The following QKI variants were observed in gnomAD, a reference collection of about 807,000 sequenced individuals.
The protein encoded by QKI is QKI, KH domain containing RNA binding, also known as KH domain-containing RNA-binding protein QKI.
Under a neutral mutation model 39.0 loss-of-function variants are expected in QKI, and 10 were observed. The observed-to-expected ratio is 0.26, with a 90% CI of 0.16 to 0.43. QKI has a LOEUF of 0.43. Ranked by LOEUF, QKI falls within the 20% of genes least tolerant of loss-of-function variation. QKI has a pLI of 1.00. For synonymous variants in QKI, 204 were observed against 155.4 expected (o/e 1.31, Z -2.33); for missense variants, 218 against 428.0 (o/e 0.51, Z 4.33).
At chr6:163,415,972 T>G in intron 1 of QKI, 1 of 494,342 alleles carries the variant, frequency 2.0e-6, no homozygotes, top group Non-Finnish European at 4.0e-6. Context: ...CAAGGAGGAC[T>G]AAGTGACGGC....
intron 4 of QKI, among the ~76,000 whole-genome samples, chr6:163,544,197 A>G (rs372845530): frequency 6.6e-6 from 1 of 152,118 alleles, no homozygotes; most frequent in Non-Finnish European, 1.5e-5. Flanking sequence ...GCATCCTTCA[A>G]GCACTACATT....
chr6:163,424,575 G>A (rs977547886), intron 1 of QKI, among the ~76,000 whole-genome samples: 1 of 151,956 alleles, frequency 6.6e-6, no homozygotes, highest in Non-Finnish European at 1.5e-5. Context: ...CAAATACTCT[G>A]AAGTTGATGG....
chr6:163,542,424 AG>A (rs1404543217), intron 4 of QKI, among the ~76,000 whole-genome samples: 1 of 152,068 alleles, frequency 6.6e-6, no homozygotes, highest in Non-Finnish European at 1.5e-5. Context: ...ATTAAGATTG[AG>A]AAAGTAGAGA....
At chr6:163,485,997 T>C (rs1777647023) in intron 3 of QKI, among the ~76,000 whole-genome samples, 1 of 152,222 alleles carries the variant, frequency 6.6e-6, no homozygotes, top group Non-Finnish European at 1.5e-5. Context: ...GGGGCCACAT[T>C]CAAAGCCTTC....
At chr6:163,494,756 G>GGT (rs1778296502) in intron 3 of QKI, among the ~76,000 whole-genome samples, 1 of 151,900 alleles carries the variant, frequency 6.6e-6, no homozygotes, top group Non-Finnish European at 1.5e-5. Context: ...ATAGTGCTGA[G>GGT]GTGGTGTCTA....
chr6:163,555,929 T>G (rs1782568884), intron 4 of QKI, among the ~76,000 whole-genome samples: 1 of 152,154 alleles, frequency 6.6e-6, no homozygotes, highest in Non-Finnish European at 1.5e-5. Context: ...TACTTCCACT[T>G]AAAGGCATCA....
At chr6:163,440,019 G>A (rs995026904) in intron 1 of QKI, among the ~76,000 whole-genome samples, 3 of 152,128 alleles carry the variant, frequency 2.0e-5, no homozygotes, top group South Asian at 2.1e-4. Flanking sequence ...AGAATGTCTT[G>A]TCTGATTTTC....
At chr6:163,475,757 G>A (rs533355561) in intron 2 of QKI, among the ~76,000 whole-genome samples, 7 of 152,272 alleles carry the variant, frequency 4.6e-5, no homozygotes, top group Non-Finnish European at 1.0e-4. Flanking sequence ...AAATTCGAAA[G>A]ACTTAACAAT....
intron 3 of QKI, among the ~76,000 whole-genome samples, chr6:163,513,248 T>G (rs1479696647): frequency 2.0e-5 from 3 of 152,166 alleles, no homozygotes; most frequent in South Asian, 2.1e-4. Context: ...TATTGATGAT[T>G]AACTAAAATG....
In QKI at chr6:163,552,206, CTTTTTTTTT is replaced by C. The variant is rs35060699; in HGVS notation, c.547-9762_547-9754del. Reference sequence around the variant, plus strand: ...TGGATCATCATAAAGTTCGTTCGTTCTTTTTTTTTTTTTTTTTTTTTTGACAGAGACTAG... The same window carrying C: ...TGGATCATCATAAAGTTCGTTCGTTCTTTTTTTTTTTTTGACAGAGACTAG... On this transcript the variant is annotated intron_variant, in intron 4 of 7. Coordinates refer to ENST00000361752, the MANE Select transcript of QKI (RefSeq NM_006775.3). Among the ~76,000 whole-genome samples, 8 of 101,784 alleles carry C rather than the reference CTTTTTTTTT, an allele frequency of 7.9e-5. No homozygotes were observed. The East Asian group carries it at 1.5e-3, about 19-fold the overall frequency. 66.8% of individuals were successfully genotyped at this position (101,784 alleles called of 152,430 possible). A position where few individuals can be genotyped will look rare whatever the true frequency, so the allele number is the denominator to read the frequency against.
intron 3 of QKI, among the ~76,000 whole-genome samples, chr6:163,487,133 G>A (rs76317017): frequency 1.3e-5 from 2 of 151,998 alleles, no homozygotes; most frequent in Non-Finnish European, 2.9e-5. Context: ...CTGTTTTATC[G>A]ATCTTGTTGA....
chr6:163,516,087 G>C (rs1267207262), intron 3 of QKI, among the ~76,000 whole-genome samples: 1 of 152,144 alleles, frequency 6.6e-6, no homozygotes, highest in Admixed American at 6.5e-5. Flanking sequence ...AGGATGTTAA[G>C]GTAAATTAAG....
intron 1 of QKI, among the ~76,000 whole-genome samples, chr6:163,441,856 AT>A (rs1264374905): frequency 6.6e-6 from 1 of 152,170 alleles, no homozygotes; most frequent in East Asian, 1.9e-4. Flanking sequence ...GGTTAAGGAC[AT>A]TTGATCAGAA....
At chr6:163,512,044 C>T (rs1407644854) in intron 3 of QKI, among the ~76,000 whole-genome samples, 2 of 151,970 alleles carry the variant, frequency 1.3e-5, no homozygotes, top group African/African-American at 4.8e-5. Flanking sequence ...GTTTTAACAT[C>T]TTGAAACTAA....
intron 3 of QKI, among the ~76,000 whole-genome samples, chr6:163,489,424 CTGTGTGTGTGTG>C (rs66826538): frequency 0.014 from 2,060 of 148,492 alleles, 23 homozygotes; most frequent in Middle Eastern, 0.028. Context: ...AGAAGTTATG[CTGTGTGTGTGTG>C]TGTGTGTGTG....
intron 3 of QKI, among the ~76,000 whole-genome samples, chr6:163,520,527 G>GA (rs929959484): frequency 4.0e-5 from 6 of 150,316 alleles, no homozygotes; most frequent in Admixed American, 6.6e-5. Flanking sequence ...CAAAACTATA[G>GA]AAAAAAAAAG....
At chr6:163,521,721 A>T (rs1249394740) in intron 3 of QKI, among the ~76,000 whole-genome samples, 1 of 152,080 alleles carries the variant, frequency 6.6e-6, no homozygotes, top group East Asian at 1.9e-4. Flanking sequence ...GGGTTTCACC[A>T]TGTTGGCCAG....
chr6:163,505,081 A>G (rs1031641244), intron 3 of QKI, among the ~76,000 whole-genome samples: 8 of 152,210 alleles, frequency 5.3e-5, no homozygotes, highest in Non-Finnish European at 1.0e-4. Flanking sequence ...TTCAGAGGAC[A>G]CAAGCCCCAA....
rs558695719 is a variant in QKI at position 163,507,379 on chromosome 6, AG to A, written c.403-27602del. ...CTCTAAAATATGCACGATAAAAACC[AG>A]CTACTCCAAGGAACTCTGTAGGATG... On this transcript the variant is annotated intron_variant, in intron 3 of 7. Transcript: ENST00000361752. Among the ~76,000 whole-genome samples, 11 of 152,354 alleles carry A rather than the reference AG, an allele frequency of 7.2e-5. No individual in the cohort carries two copies. In the East Asian group the frequency reaches 2.1e-3, roughly 29 times the overall value.
Sources: allele counts gnomAD v4.1 joint callset (sites outside exome capture counted in the v4.1 genomes callset), GRCh38; gene constraint gnomAD v4.1.1; transcripts MANE v1.5; gene names NCBI Gene and HGNC (gene_info 2026-07-23, HGNC 2026-07-21).